SLC2A9: variants seen among roughly 807,000 people sequenced by gnomAD.
The protein encoded by SLC2A9 is solute carrier family 2 member 9.
A neutral mutation model predicts 50.6 loss-of-function variants in SLC2A9; 39 were observed. The ratio of observed to expected loss-of-function variants is 0.77; its 90% CI spans 0.60 to 1.01. The LOEUF is 1.01. Among genes scored for constraint, SLC2A9 ranks in the 50% least tolerant of loss-of-function variants. The pLI is 0.00. For missense variants in SLC2A9, 686 were observed against 677.6 expected, an observed-to-expected ratio of 1.01 and a Z score of -0.14; for synonymous variants, 324 against 276.9, an observed-to-expected ratio of 1.17 and a Z score of -1.69.
intron 5 of SLC2A9, among the ~76,000 whole-genome samples, chr4:9,951,120 C>A (rs7376505): frequency 0.48 from 73,397 of 151,978 alleles, 19,098 homozygotes; most frequent in African/African-American, 0.67. Context: ...AATAAAGAAA[C>A]TTTGGTATAT....
intron 10 of SLC2A9, among the ~76,000 whole-genome samples, chr4:9,866,913 C>T (rs899284948): frequency 5.3e-5 from 8 of 152,226 alleles, no homozygotes; most frequent in Admixed American, 4.6e-4. Flanking sequence ...GTCCTCCCCA[C>T]TTCATGTTGG....
intron 6 of SLC2A9, among the ~76,000 whole-genome samples, chr4:9,940,605 C>A (rs1161900667): frequency 6.6e-6 from 1 of 152,156 alleles, no homozygotes; most frequent in South Asian, 2.1e-4. Context: ...TAAACCAAAA[C>A]CCACAGCTTT....
At chr4:9,845,414 C>T (rs1041424594) in intron 10 of SLC2A9, among the ~76,000 whole-genome samples, 2 of 147,228 alleles carry the variant, frequency 1.4e-5, no homozygotes, top group Non-Finnish European at 3.0e-5. Flanking sequence ...AATGGAACCA[C>T]GATCATCAAT....
chr4:10,039,808 G>A (rs1246173789), intron 1 of SLC2A9, among the ~76,000 whole-genome samples: 2 of 152,206 alleles, frequency 1.3e-5, no homozygotes, highest in Non-Finnish European at 2.9e-5. Flanking sequence ...TTGCTTCTCT[G>A]CTCCAAACCC....
intron 8 of SLC2A9, among the ~76,000 whole-genome samples, chr4:9,896,125 A>G (rs1179575116): frequency 1.3e-5 from 2 of 152,268 alleles, no homozygotes; most frequent in Admixed American, 6.5e-5. Context: ...GTAAATATGT[A>G]TAAGTGGAAT....
chr4:9,783,603 C>G (rs1718825808), intron 3 of SLC2A9: 1 of 805,290 alleles, frequency 1.2e-6, no homozygotes, highest in Admixed American at 3.0e-5. Context: ...GCTTAGAAAC[C>G]TCACCCCATT....
At chr4:9,835,161 T>C (rs150952178) in intron 10 of SLC2A9, among the ~76,000 whole-genome samples, 153 bp from the exon 11 acceptor site, 130 of 150,390 alleles carry the variant, frequency 8.6e-4, no homozygotes, top group African/African-American at 2.8e-3. Flanking sequence ...CCTGGTGGCA[T>C]TGCAGTGGGA....
intron 10 of SLC2A9, among the ~76,000 whole-genome samples, chr4:9,872,423 C>G (rs1265033062): frequency 6.6e-6 from 1 of 152,150 alleles, no homozygotes; most frequent in Non-Finnish European, 1.5e-5. Flanking sequence ...AATATGTTAA[C>G]AAAAGAAACC....
chr4:9,781,476 T>TGGGGCGCCCCTCGGACCTGCG (rs1718356161), intron 3 of SLC2A9, among the ~76,000 whole-genome samples: 1 of 151,604 alleles, frequency 6.6e-6, no homozygotes, highest in Non-Finnish European at 1.5e-5. Flanking sequence ...GGTCTGGCGC[T>TGGGGCGCCCCTCGGACCTGCG]GGGGCGCCCC....
chr4:9,891,359 G>C (rs1222069872), intron 8 of SLC2A9, among the ~76,000 whole-genome samples: 2 of 152,182 alleles, frequency 1.3e-5, no homozygotes, highest in African/African-American at 4.8e-5. Context: ...GACTGAAAGA[G>C]TAATTGTAGC....
intron 5 of SLC2A9, among the ~76,000 whole-genome samples, chr4:9,967,773 G>T: frequency 6.6e-6 from 1 of 151,676 alleles, no homozygotes; most frequent in East Asian, 1.9e-4. Flanking sequence ...CCTGGTAAAT[G>T]TTTTTTCCTA....
chr4:9,794,946 T>C (rs1204682585), downstream of SLC2A9, among the ~76,000 whole-genome samples: 1 of 150,870 alleles, frequency 6.6e-6, no homozygotes, highest in Non-Finnish European at 1.5e-5. Context: ...TAGCCAACAC[T>C]GAGTGACTGC....
At chr4:9,890,806 TA>T in intron 8 of SLC2A9, 95 bp from the exon 9 acceptor site, 1 of 1,122,080 alleles carries the variant, frequency 8.9e-7, no homozygotes, top group Non-Finnish European at 1.3e-6. Context: ...GCATCATGAT[TA>T]AAAACCGGCT....
intron 10 of SLC2A9, among the ~76,000 whole-genome samples, chr4:9,842,834 C>T (rs1338245012): frequency 6.6e-6 from 1 of 152,128 alleles, no homozygotes; most frequent in African/African-American, 2.4e-5. Flanking sequence ...TTTGAGTATC[C>T]TATTCTGGAT....
chr4:9,850,865 C>T (rs888980606), intron 10 of SLC2A9, among the ~76,000 whole-genome samples: 1 of 152,132 alleles, frequency 6.6e-6, no homozygotes, highest in East Asian at 1.9e-4. Context: ...GGGTACCCTA[C>T]CATGCTGCCA....
At chr4:9,929,549 C>T (rs62294288) in intron 6 of SLC2A9, among the ~76,000 whole-genome samples, 2,717 of 152,174 alleles carry the variant, frequency 0.018, 28 homozygotes, top group Middle Eastern at 0.059. Context: ...TGGAGAGGCA[C>T]GTGCTGTGCT....
intron 6 of SLC2A9, among the ~76,000 whole-genome samples, chr4:9,931,548 G>C (rs1019972543): frequency 6.6e-6 from 1 of 152,188 alleles, no homozygotes; most frequent in African/African-American, 2.4e-5. Flanking sequence ...TTCAAGGCGA[G>C]TGTGTTTCAG....
At chr4:9,822,981 T>C (rs1361015125), downstream of SLC2A9, among the ~76,000 whole-genome samples, 1 of 152,172 alleles carries the variant, frequency 6.6e-6, no homozygotes, top group Non-Finnish European at 1.5e-5. Flanking sequence ...ATATTAACTA[T>C]ACTTTGGGTT....
chr4:9,986,213 A>T lies in SLC2A9; in HGVS notation c.411-420T>A, dbSNP rs114533535. ...AAGAACCGAGATGTCAAAAAGGAAG[A>T]CCTCTGAAGAAGGGGTGTTTCCCAT... is the stretch of plus-strand genomic sequence containing the variant. On this transcript the variant is annotated intron_variant, in intron 3 of 11. Coordinates refer to ENST00000264784, the MANE Select transcript of SLC2A9 (RefSeq NM_020041.3). Among the ~76,000 whole-genome samples, 552 of 152,220 alleles carry T rather than the reference A, an allele frequency of 3.6e-3. 5 individuals are homozygous for T. Among genetic ancestry groups the T allele is most frequent in the African/African-American group, 0.012 (497 of 41,538 alleles).
Sources: gnomAD v4.1 joint callset for allele counts (sites outside exome capture counted in the v4.1 genomes callset) on GRCh38, gnomAD v4.1.1 for gene constraint, MANE v1.5 for transcripts, NCBI Gene and HGNC (gene_info 2026-07-23, HGNC 2026-07-21) for gene names.